ZNF346: variants seen among roughly 807,000 people sequenced by gnomAD.
ZNF346 encodes the protein double-stranded RNA-binding zinc finger protein JAZ.
Under a neutral mutation model 33.7 loss-of-function variants are expected in ZNF346, and 23 were observed. The ratio of observed to expected loss-of-function variants is 0.68; its 90% confidence interval spans 0.49 to 0.97. The LOEUF (loss-of-function observed/expected upper bound fraction) is 0.97. Among genes scored for constraint, ZNF346 ranks in the 50% least tolerant of loss-of-function variants. The pLI, the probability that ZNF346 is intolerant of heterozygous loss-of-function variation, is 0.00. For missense variants in ZNF346, 340 were observed against 371.1 expected (o/e 0.92, Z 0.69); for synonymous variants, 134 against 142.4 (o/e 0.94, Z 0.42).
intron 8 of ZNF346, among the ~76,000 whole-genome samples, chr5:177,073,647 G>A (rs908238424): frequency 6.6e-6 from 1 of 152,274 alleles, no homozygotes; most frequent in East Asian, 1.9e-4. Flanking sequence ...GGTCATGAAG[G>A]TCAAAGGAGC....
At chr5:177,036,125 G>A (rs1451662273) in intron 1 of ZNF346, among the ~76,000 whole-genome samples, 1 of 152,070 alleles carries the variant, frequency 6.6e-6, no homozygotes, top group Non-Finnish European at 1.5e-5. Flanking sequence ...GCAGGGAAAT[G>A]GAGCATCTGG....
chr5:177,060,160 C>A (rs10070143), intron 5 of ZNF346, among the ~76,000 whole-genome samples: 2 of 152,050 alleles, frequency 1.3e-5, no homozygotes, highest in Admixed American at 1.3e-4. Flanking sequence ...CTGGTTCCAG[C>A]GTGAGGAGGT....
At chr5:177,062,340 C>T (rs183517216) in intron 6 of ZNF346, among the ~76,000 whole-genome samples, 189 bp downstream of exon 6, 27 of 152,286 alleles carry the variant, frequency 1.8e-4, no homozygotes, top group Admixed American at 3.9e-4. Context: ...TCTGCCCAGC[C>T]TTTAGACCTG....
chr5:177,042,844 C>A (rs560596093), intron 3 of ZNF346, among the ~76,000 whole-genome samples: 64 of 152,204 alleles, frequency 4.2e-4, no homozygotes, highest in Admixed American at 1.6e-3. Flanking sequence ...GATCCTCCCA[C>A]TTCAACCTCC....
chr5:177,026,888 CAGGT>C (rs1435730754), intron 1 of ZNF346, among the ~76,000 whole-genome samples: 1 of 152,110 alleles, frequency 6.6e-6, no homozygotes, highest in East Asian at 1.9e-4. Context: ...GATATAGCGT[CAGGT>C]AGGGCATTAT....
At chr5:177,061,185 G>A (rs183256260) in intron 5 of ZNF346, among the ~76,000 whole-genome samples, 13 of 151,990 alleles carry the variant, frequency 8.6e-5, no homozygotes, top group Admixed American at 5.9e-4. Context: ...GGTAGCTCAC[G>A]CCTATAATCC....
intron 4 of ZNF346, among the ~76,000 whole-genome samples, chr5:177,047,836 G>A (rs1185471455): frequency 2.6e-5 from 4 of 151,820 alleles, no homozygotes; most frequent in Non-Finnish European, 5.9e-5. Context: ...ATGGGGTTTC[G>A]GCATGTTGGC....
chr5:177,040,425 A>G (rs1779190649), intron 1 of ZNF346, among the ~76,000 whole-genome samples: 1 of 151,612 alleles, frequency 6.6e-6, no homozygotes, highest in South Asian at 2.1e-4. Flanking sequence ...GCTCACTACA[A>G]CCTCTGCCTC....
At chr5:177,037,724 T>C (rs1353834104) in intron 1 of ZNF346, among the ~76,000 whole-genome samples, 2 of 152,328 alleles carry the variant, frequency 1.3e-5, no homozygotes, top group African/African-American at 4.8e-5. Context: ...TCCTTGTTCT[T>C]TCTGCTTCCA....
chr5:177,063,901 A>T (rs1365007952), intron 6 of ZNF346, among the ~76,000 whole-genome samples: 1 of 126,372 alleles, frequency 7.9e-6, no homozygotes, highest in Non-Finnish European at 1.8e-5. Flanking sequence ...CTGTCTCAAA[A>T]TTTTAAAAAA....
At chr5:177,071,424 C>A (rs577192285), downstream of ZNF346, among the ~76,000 whole-genome samples, 1 of 151,576 alleles carries the variant, frequency 6.6e-6, no homozygotes, top group African/African-American at 2.4e-5. Context: ...CGGTGGCTCA[C>A]GCCTGTAATC....
chr5:177,022,786 G>C lies in ZNF346; in HGVS notation c.48G>C (p.Ala16=), dbSNP rs771464138. The C allele has an allele frequency of 1.5e-5, 24 of 1,549,114 alleles. No individual in the cohort carries two copies. Among genetic ancestry groups the C allele is most frequent in the Non-Finnish European group, 2.0e-5 (23 of 1,149,048 alleles). ...PATVQAADGG[A]AGPYSSSELL... is the part of the protein sequence containing the mutation. ...CGGTGCAGGCCGCGGACGGCGGAGC[G>C]GCCGGGCCTTACAGCAGCTCGGAGT... Residue 16 remains alanine, a synonymous_variant, in exon 1 of 7, where the codon GCG becomes GCC. Coordinates refer to ENST00000358149, the MANE Select transcript of ZNF346 (RefSeq NM_012279.4).
chr5:177,077,544 C>G lies in ZNF346; in HGVS notation c.*3-1838C>G, dbSNP rs544796425. 6.6e-6 allele frequency among the ~76,000 whole-genome samples: 1 copy of G among 152,188 alleles called. No homozygotes were observed. The highest frequency in any genetic ancestry group is 2.4e-5 in the African/African-American group (1 of 41,450). ...CTAGGCATCCCTATTCACAGCTCAG[C>G]TTCTCAGAGAGTTGGTTTCCTATTC... On this transcript the variant is annotated intron_variant, in intron 8 of 8. Transcript: ENST00000503039. This position sits in a 1 kb window ranked among gnomAD's most constrained non-coding sequence, Gnocchi z 5.0.
At chr5:177,059,233 T>A (rs535621999) in intron 5 of ZNF346, among the ~76,000 whole-genome samples, 24 of 152,320 alleles carry the variant, frequency 1.6e-4, no homozygotes, top group African/African-American at 5.5e-4. Context: ...ATTATCCCCA[T>A]TTTACAGATG....
intron 6 of ZNF346, among the ~76,000 whole-genome samples, chr5:177,062,941 T>G (rs573430100): frequency 3.3e-5 from 5 of 152,264 alleles, no homozygotes; most frequent in African/African-American, 1.2e-4. Context: ...GGCGTCAGGC[T>G]CAGAAGTAGG....
chr5:177,076,499 G>A (rs1783750409), intron 8 of ZNF346, among the ~76,000 whole-genome samples: 1 of 152,188 alleles, frequency 6.6e-6, no homozygotes, highest in Non-Finnish European at 1.5e-5. Context: ...CCAGGTGATG[G>A]CTGATGGGCC....
chr5:177,043,501 C>G (rs1210337092), intron 3 of ZNF346, among the ~76,000 whole-genome samples: 1 of 152,208 alleles, frequency 6.6e-6, no homozygotes. Flanking sequence ...TGCGGTGGCT[C>G]ATACCTGTAA....
At position 177,026,328 on chromosome 5, in the gene ZNF346, G is replaced by A. The variant is rs532695777; in HGVS notation, c.175+3415G>A. Among the ~76,000 whole-genome samples the A allele has an allele frequency of 8.9e-4, 133 of 150,046 alleles. 1 individual carries two copies. The highest frequency in any genetic ancestry group is 1.4e-3 in the Non-Finnish European group (94 of 67,598). ...CCCCTTCCTCATCTTGTTTCTGAAGGAGTTTGTGAAGGATGGATTGGTAAT... is the reference window on the plus strand; with the variant it reads ...CCCCTTCCTCATCTTGTTTCTGAAGAAGTTTGTGAAGGATGGATTGGTAAT... On this transcript the variant is annotated intron_variant, in intron 1 of 6. Coordinates refer to ENST00000358149, the MANE Select transcript of ZNF346 (RefSeq NM_012279.4).
chr5:177,050,693 C>G (rs767844420), intron 4 of ZNF346, 58 bp from the exon 5 acceptor site: 13 of 1,600,898 alleles, frequency 8.1e-6, no homozygotes, highest in Admixed American at 5.0e-5. Context: ...TTTGAACTCT[C>G]TCACTGCAGC....
Sources: gnomAD v4.1 joint callset for allele counts (sites outside exome capture counted in the v4.1 genomes callset) on GRCh38, gnomAD v4.1.1 for gene constraint, Gnocchi (gnomAD v3.1) non-coding constraint, MANE v1.5 for transcripts, NCBI Gene and HGNC (gene_info 2026-07-23, HGNC 2026-07-21) for gene names.